The following TBX15 variants were observed in gnomAD, a reference collection of about 807,000 sequenced individuals.
TBX15 encodes T-box transcription factor TBX15.
Under a neutral mutation model 53.9 loss-of-function variants are expected in TBX15, and 18 were observed. The observed-to-expected ratio is 0.33, with a 90% CI of 0.23 to 0.49. The LOEUF (loss-of-function observed/expected upper bound fraction) is 0.49. Among genes scored for constraint, TBX15 ranks in the 20% least tolerant of loss-of-function variants. TBX15 has a pLI of 0.98. For missense variants in TBX15, 692 were observed against 749.5 expected (o/e 0.92, Z 0.90); for synonymous variants, 295 against 278.0 (o/e 1.06, Z -0.61).
rs190186088 is a variant in TBX15 at position 118,964,494 on chromosome 1, T to C, written c.205+23097A>G. Among the ~76,000 whole-genome samples the C allele has an allele frequency of 2.0e-5, 3 of 152,330 alleles. No homozygotes were observed. In the East Asian group the frequency reaches 5.8e-4, roughly 29 times the overall value. On this transcript the variant is annotated intron_variant, in intron 1 of 7. Coordinates refer to ENST00000369429, the MANE Select transcript of TBX15 (RefSeq NM_001330677.2). ...GAGCTAATAAGGATTAGAGTCACAA[T>C]TCAAACCCAGCCTAAGCTCATAACC...
In TBX15 at chr1:118,924,370, G is replaced by T. The variant is rs12134163; in HGVS notation, c.693+276C>A. On this transcript the variant is annotated intron_variant, in intron 4 of 7. Coordinates refer to ENST00000369429, the MANE Select transcript of TBX15 (RefSeq NM_001330677.2). Reference sequence around the variant, plus strand: ...ACCACTGGTTGATTTGTCTTGTTTTGCTCTCTTGCCTCCTCGACTAGACTG... The same window carrying T: ...ACCACTGGTTGATTTGTCTTGTTTTTCTCTCTTGCCTCCTCGACTAGACTG... 0.15 allele frequency among the ~76,000 whole-genome samples: 22,070 copies of T among 152,026 alleles called. 1,942 individuals carry two copies. Among genetic ancestry groups the T allele is most frequent in the Non-Finnish European group, 0.18 (12,205 of 67,964 alleles).
chr1:118,914,403 A>G (rs778217528), intron 5 of TBX15, among the ~76,000 whole-genome samples: 3 of 152,188 alleles, frequency 2.0e-5, no homozygotes, highest in Non-Finnish European at 2.9e-5. Context: ...TTTGCCCAGT[A>G]TGTGACTCTA....
intron 1 of TBX15, among the ~76,000 whole-genome samples, chr1:118,972,868 G>A (rs1345403286): frequency 6.6e-6 from 1 of 152,146 alleles, no homozygotes; most frequent in Admixed American, 6.5e-5. Flanking sequence ...CCAAAGTGCT[G>A]GGATTACAGG....
intron 2 of TBX15, among the ~76,000 whole-genome samples, chr1:118,931,117 G>T (rs996968981): frequency 6.6e-6 from 1 of 152,134 alleles, no homozygotes; most frequent in Non-Finnish European, 1.5e-5. Flanking sequence ...AATTCCATAG[G>T]TCACCAATAA....
intron 1 of TBX15, among the ~76,000 whole-genome samples, chr1:118,985,971 C>T (rs1657818689): frequency 6.6e-6 from 1 of 152,178 alleles, no homozygotes. Context: ...ATTATGACCC[C>T]ATGTATTACC....
intron 7 of TBX15, among the ~76,000 whole-genome samples, chr1:118,890,679 T>C (rs1654107962): frequency 1.3e-5 from 2 of 152,202 alleles, no homozygotes; most frequent in South Asian, 4.1e-4. Context: ...ATGAAAATCC[T>C]GAATACTAAA....
chr1:118,946,841 T>C (rs992440582), intron 1 of TBX15, among the ~76,000 whole-genome samples: 3 of 152,202 alleles, frequency 2.0e-5, no homozygotes, highest in Non-Finnish European at 4.4e-5. Context: ...TAAATTATTT[T>C]TGAGTGAATG....
rs115427847 is a variant in TBX15, at chr1:118,984,273, C to T, written c.205+3318G>A. Among the ~76,000 whole-genome samples, 340 of 152,366 alleles carry T rather than the reference C, an allele frequency of 2.2e-3. 1 individual carries two copies. The highest frequency in any genetic ancestry group is 7.5e-3 in the African/African-American group (314 of 41,600). On this transcript the variant is annotated intron_variant, in intron 1 of 7. Transcript: ENST00000369429. ...AGGTGCCCACCCGCGCGCGCCACCACATCCCCAGGCCTCTGGAACGCAGCT... is the reference window on the plus strand; with the variant it reads ...AGGTGCCCACCCGCGCGCGCCACCATATCCCCAGGCCTCTGGAACGCAGCT...
At chr1:118,965,397 G>A (rs941583509) in intron 1 of TBX15, among the ~76,000 whole-genome samples, 3 of 152,172 alleles carry the variant, frequency 2.0e-5, no homozygotes, top group Non-Finnish European at 4.4e-5. Flanking sequence ...TCAAATACAA[G>A]GGTATTAGGT....
chr1:118,930,242 T>G (rs529864927), intron 2 of TBX15, among the ~76,000 whole-genome samples: 115 of 152,328 alleles, frequency 7.5e-4, no homozygotes, highest in African/African-American at 2.7e-3. Flanking sequence ...ATGGCTATGT[T>G]CATGAAAACA....
At chr1:118,922,643 A>G (rs1211407380) in intron 5 of TBX15, among the ~76,000 whole-genome samples, 3 of 152,210 alleles carry the variant, frequency 2.0e-5, no homozygotes, top group Non-Finnish European at 4.4e-5. Flanking sequence ...CTCCCACTTC[A>G]GCCCAGATGT....
At chr1:118,931,859 G>T in intron 1 of TBX15, 27 bp from the exon 2 acceptor site, 1 of 1,550,078 alleles carries the variant, frequency 6.5e-7, no homozygotes, top group Non-Finnish European at 8.7e-7. Context: ...CAAGCCTTAG[G>T]TGAGAAACTG....
intron 1 of TBX15, among the ~76,000 whole-genome samples, chr1:118,975,165 A>G (rs975221771): frequency 6.6e-6 from 1 of 152,232 alleles, no homozygotes; most frequent in Non-Finnish European, 1.5e-5. Context: ...TAGTCACTAC[A>G]CTTCAGACAC....
At chr1:118,974,582 A>ACCTGC (rs936978100) in intron 1 of TBX15, among the ~76,000 whole-genome samples, 2 of 152,236 alleles carry the variant, frequency 1.3e-5, no homozygotes, top group Non-Finnish European at 2.9e-5. Flanking sequence ...AAAGCATGAA[A>ACCTGC]CCTGCTGTTA....
Position 118,885,184 on chromosome 1 carries a change from G to A in TBX15, c.1357C>T (p.Pro453Ser), listed in dbSNP as rs1653893693. The part of the protein sequence containing the change: ...TPSLISGIPT[P>S]PSLPGNSKME... ...TTGCTGTTGCCAGGCAACGAGGGAG[G>A]AGTTGGTATTCCTGAGATCAGGGAT... Residue 453 changes from proline (P) to serine (S), a missense_variant, in exon 8 of 8, where the codon CCT becomes TCT. Physicochemically the swap from Pro to Ser is moderately conservative, Grantham distance 74. Coordinates refer to ENST00000369429, the MANE Select transcript of TBX15 (RefSeq NM_001330677.2). 6.2e-7 allele frequency: 1 copy of A among 1,614,080 alleles called. No individual in the cohort carries two copies. Among genetic ancestry groups the A allele is most frequent in the African/African-American group, 1.3e-5 (1 of 74,944 alleles).
chr1:118,883,277 G>A lies in TBX15; in HGVS notation c.*1455C>T, dbSNP rs1208052186. 2 of 152,418 alleles carry A rather than the reference G, an allele frequency of 1.3e-5. No individual in the cohort carries two copies. Among genetic ancestry groups the A allele is most frequent in the African/African-American group, 4.8e-5 (2 of 41,382 alleles). 9.4% of individuals were successfully genotyped at this position (152,418 alleles called of 1,614,324 possible). On this transcript the variant is annotated 3_prime_UTR_variant, in exon 8 of 8. Coordinates refer to ENST00000369429, the MANE Select transcript of TBX15 (RefSeq NM_001330677.2). ...AATAATATCTGTATTATTTTACTTG[G>A]TATTATTTGCATTTCCACACCATTT...
chr1:118,955,868 G>A (rs1229499232), intron 1 of TBX15, among the ~76,000 whole-genome samples: 1 of 152,176 alleles, frequency 6.6e-6, no homozygotes, highest in African/African-American at 2.4e-5. Context: ...CTACCAAATA[G>A]TTATCCTTCC....
At chr1:118,944,041 A>G (rs1205075446) in intron 1 of TBX15, among the ~76,000 whole-genome samples, 1 of 152,182 alleles carries the variant, frequency 6.6e-6, no homozygotes, top group African/African-American at 2.4e-5. Context: ...CTTTTGGGGC[A>G]CAAGGCAATC....
At chr1:118,985,759 TA>T (rs1484249610) in intron 1 of TBX15, among the ~76,000 whole-genome samples, 2 of 152,230 alleles carry the variant, frequency 1.3e-5, no homozygotes, top group African/African-American at 4.8e-5. Flanking sequence ...CTCTGTTACA[TA>T]AAGTTAGTTC....
Sources: allele counts gnomAD v4.1 joint callset (sites outside exome capture counted in the v4.1 genomes callset), GRCh38; gene constraint gnomAD v4.1.1; transcripts MANE v1.5; gene names NCBI Gene and HGNC (gene_info 2026-07-23, HGNC 2026-07-21).